CPQ: variants seen among roughly 807,000 people sequenced by gnomAD.
The protein encoded by CPQ is carboxypeptidase Q.
A neutral mutation model predicts 45.7 loss-of-function variants in CPQ; 37 were observed. That is an observed-to-expected ratio of 0.81 (90% CI 0.62 to 1.07). CPQ has a LOEUF of 1.07. Ranked by LOEUF, CPQ falls within the 50% of genes least tolerant of loss-of-function variation. CPQ has a pLI of 0.00. For missense variants in CPQ, 537 were observed against 572.9 expected, an observed-to-expected ratio of 0.94 and a Z score of 0.64; for synonymous variants, 186 against 205.8, an observed-to-expected ratio of 0.90 and a Z score of 0.82.
intron 7 of CPQ, among the ~76,000 whole-genome samples, chr8:97,074,280 A>T (rs892727203): frequency 3.3e-5 from 5 of 152,216 alleles, no homozygotes; most frequent in African/African-American, 1.2e-4. Flanking sequence ...TTGGCATATA[A>T]AATGTATCCA....
chr8:96,948,349 A>G (rs1338494818), intron 4 of CPQ, among the ~76,000 whole-genome samples: 1 of 151,936 alleles, frequency 6.6e-6, no homozygotes, highest in Non-Finnish European at 1.5e-5. Flanking sequence ...TTGTGTTTTC[A>G]TTTGTTTATA....
intron 7 of CPQ, among the ~76,000 whole-genome samples, chr8:97,120,435 C>T (rs886796975): frequency 2.0e-5 from 3 of 151,820 alleles, no homozygotes; most frequent in Non-Finnish European, 4.4e-5. Context: ...TACACAACTC[C>T]AGATTTATGG....
intron 2 of CPQ, among the ~76,000 whole-genome samples, chr8:96,803,275 A>T (rs1811032102): frequency 1.3e-5 from 2 of 152,194 alleles, no homozygotes; most frequent in Non-Finnish European, 2.9e-5. Flanking sequence ...TGGTTGGATG[A>T]TGTTAACCCA....
intron 3 of CPQ, among the ~76,000 whole-genome samples, chr8:96,840,429 G>A (rs1020996362): frequency 6.6e-6 from 1 of 152,084 alleles, no homozygotes; most frequent in Admixed American, 6.5e-5. Flanking sequence ...CTTGAAGTGT[G>A]GTCCCTGGAA....
intron 1 of CPQ, among the ~76,000 whole-genome samples, chr8:96,712,726 C>T (rs1275387364): frequency 1.3e-5 from 2 of 151,894 alleles, no homozygotes; most frequent in African/African-American, 4.8e-5. Flanking sequence ...AATCATTTTT[C>T]CCTCCTAGGC....
intron 4 of CPQ, among the ~76,000 whole-genome samples, chr8:96,920,041 T>C (rs1316004132): frequency 1.3e-5 from 2 of 152,192 alleles, no homozygotes; most frequent in African/African-American, 2.4e-5. Flanking sequence ...GATTAAACAA[T>C]ATAAAATATG....
chr8:96,707,914 C>A (rs1809554967), intron 1 of CPQ, among the ~76,000 whole-genome samples: 1 of 152,040 alleles, frequency 6.6e-6, no homozygotes, highest in African/African-American at 2.4e-5. Flanking sequence ...GCAGCAATGA[C>A]CAGTCAAGTA....
intron 1 of CPQ, among the ~76,000 whole-genome samples, chr8:96,753,566 G>A (rs1190699695): frequency 7.2e-6 from 1 of 139,232 alleles, no homozygotes; most frequent in African/African-American, 2.5e-5. Context: ...TAGTTTGTAA[G>A]TATTATGTAT....
intron 7 of CPQ, among the ~76,000 whole-genome samples, chr8:97,132,525 C>T (rs1351636507): frequency 2.6e-5 from 4 of 152,186 alleles, no homozygotes; most frequent in Non-Finnish European, 5.9e-5. Context: ...CAAATGTCAT[C>T]TCTGCTAAAA....
At chr8:96,678,880 T>C (rs1809111484) in intron 1 of CPQ, among the ~76,000 whole-genome samples, 1 of 151,762 alleles carries the variant, frequency 6.6e-6, no homozygotes, top group South Asian at 2.1e-4. Flanking sequence ...CTCTTCACTC[T>C]GTTGATTGTT....
chr8:97,018,414 T>C (rs960248620), intron 5 of CPQ, among the ~76,000 whole-genome samples: 6 of 151,948 alleles, frequency 3.9e-5, no homozygotes, highest in Non-Finnish European at 7.4e-5. Context: ...GAAAAAGAAT[T>C]CAGAAGGTTA....
At chr8:96,737,132 C>T (rs1273234366) in intron 1 of CPQ, among the ~76,000 whole-genome samples, 1 of 150,610 alleles carries the variant, frequency 6.6e-6, no homozygotes, top group East Asian at 1.9e-4. Context: ...TCTTTATCTT[C>T]TCAATTTTTA....
chr8:96,698,777 G>A (rs1809419495), intron 1 of CPQ, among the ~76,000 whole-genome samples: 1 of 152,154 alleles, frequency 6.6e-6, no homozygotes, highest in Non-Finnish European at 1.5e-5. Flanking sequence ...AAACTACAGT[G>A]AGATATCATC....
At chr8:96,682,265 G>A (rs750412974) in intron 1 of CPQ, among the ~76,000 whole-genome samples, 9 of 152,182 alleles carry the variant, frequency 5.9e-5, no homozygotes, top group South Asian at 4.1e-4. Flanking sequence ...ATTGAATCAC[G>A]AGAGTGGATT....
chr8:96,911,800 T>C (rs1812668222), intron 4 of CPQ, among the ~76,000 whole-genome samples: 1 of 152,250 alleles, frequency 6.6e-6, no homozygotes, highest in African/African-American at 2.4e-5. Context: ...TTTAGTCTGA[T>C]TTCCCTATTA....
At position 97,097,253 on chromosome 8, in the gene CPQ, A is replaced by G. The variant is rs551235667; in HGVS notation, c.1255+31043A>G. On this transcript the variant is annotated intron_variant, in intron 7 of 7. Coordinates refer to ENST00000220763, the MANE Select transcript of CPQ (RefSeq NM_016134.4). ...CTAAGGTCAAATTCCTAATGATAAT[A>G]GACAACCTGAAGTTGATAGTGGCCA... Among the ~76,000 whole-genome samples, 52 of 152,296 alleles carry G rather than the reference A, an allele frequency of 3.4e-4. 2 individuals carry two copies. The South Asian group carries it at 0.01, about 30-fold the overall frequency.
intron 6 of CPQ, among the ~76,000 whole-genome samples, chr8:97,054,369 C>T (rs2130510739): frequency 6.6e-6 from 1 of 152,208 alleles, no homozygotes; most frequent in South Asian, 2.1e-4. Flanking sequence ...ATGGAGATTC[C>T]TCAAAGAACT....
chr8:96,715,861 G>A (rs1809667060), intron 1 of CPQ, among the ~76,000 whole-genome samples: 1 of 152,204 alleles, frequency 6.6e-6, no homozygotes, highest in Admixed American at 6.5e-5. Context: ...TAGCCACCCA[G>A]TGGGGCTGTC....
intron 2 of CPQ, among the ~76,000 whole-genome samples, chr8:96,834,548 A>G (rs1811501140): frequency 6.6e-6 from 1 of 152,248 alleles, no homozygotes; most frequent in Non-Finnish European, 1.5e-5. Flanking sequence ...TTGTTTAGCA[A>G]CATATCAAAA....
Sources: allele counts gnomAD v4.1 joint callset (sites outside exome capture counted in the v4.1 genomes callset), GRCh38; gene constraint gnomAD v4.1.1; transcripts MANE v1.5; gene names NCBI Gene and HGNC (gene_info 2026-07-23, HGNC 2026-07-21).